Variants in XAB2 observed in about 807,000 individuals in gnomAD.
XAB2 encodes the protein XPA binding protein 2.
XAB2 carries 57 observed loss-of-function variants against 113.4 expected under a neutral mutation model. That is an observed-to-expected ratio of 0.50 (90% CI 0.41 to 0.63). The LOEUF (loss-of-function observed/expected upper bound fraction) is 0.63, where lower values mean the gene tolerates loss of function less well. Ranked by LOEUF, XAB2 falls within the 20% of genes least tolerant of loss-of-function variation. The probability of loss-of-function intolerance (pLI) is 0.00; values close to 1 mark genes in which losing one functional copy is unlikely to be tolerated. For synonymous variants in XAB2, 497 were observed against 498.8 expected (o/e 1.00, Z 0.05); for missense variants, 1,037 against 1,233.3 (o/e 0.84, Z 2.38).
rs2048013286 is a variant in XAB2 at position 7,624,602 on chromosome 19, G to C, written c.823-157C>G. Among the ~76,000 whole-genome samples, 1 of 152,040 alleles carries C rather than the reference G, an allele frequency of 6.6e-6. No individual in the cohort carries two copies. The highest frequency in any genetic ancestry group is 1.5e-5 in the Non-Finnish European group (1 of 67,980). Reference sequence around the variant, plus strand: ...AGTGACCCCAGGACAGAGCCTCCGTGGAGCCTTCTCACCCCCGCCCTGCCC... The same window carrying C: ...AGTGACCCCAGGACAGAGCCTCCGTCGAGCCTTCTCACCCCCGCCCTGCCC... On this transcript the variant is annotated intron_variant, in intron 6 of 18. Coordinates refer to ENST00000358368, the MANE Select transcript of XAB2 (RefSeq NM_020196.3). The surrounding 1 kb of genome is among the most constrained non-coding windows in gnomAD (Gnocchi z 4.2).
rs369196263 is a variant in XAB2, at chr19:7,627,254, G to A, written c.511C>T (p.Arg171Cys). 24 of 1,612,704 alleles carry A rather than the reference G, an allele frequency of 1.5e-5. No individual in the cohort carries two copies. The highest frequency in any genetic ancestry group is 2.2e-5 in the South Asian group (2 of 91,086). ...LPETAVRGYRRFLKLSPESAE... is the reference protein window; with the variant it reads ...LPETAVRGYRCFLKLSPESAE... ...CCTGCTAGGCTCACCTTGAGGAAGCGCCGATAGCCTCGCACAGCTGTCTCA... is the reference window on the plus strand; with the variant it reads ...CCTGCTAGGCTCACCTTGAGGAAGCACCGATAGCCTCGCACAGCTGTCTCA... Residue 171 changes from arginine (R) to cysteine (C), a missense_variant, in exon 4 of 19, where the codon CGC becomes TGC. Arg to Cys is a radical substitution (Grantham distance 180, BLOSUM62 -3). Transcript: ENST00000358368. The surrounding 1 kb of genome is among the most constrained non-coding windows in gnomAD (Gnocchi z 4.5).
At chr19:7,621,095 G>GGGCCCCCCCCCCCCCCC in intron 13 of XAB2, 40 bp downstream of exon 13, 7 of 1,486,120 alleles carry the variant, frequency 4.7e-6, no homozygotes, top group South Asian at 1.2e-5. Context: ...CAGAAACCCA[G>GGGCCCCCCCCCCCCCCC]CCCGCCCGCC....
chr19:7,621,525 T>C (rs2031034156), intron 12 of XAB2: 15 of 550,230 alleles, frequency 2.7e-5, no homozygotes, highest in East Asian at 2.7e-4. Flanking sequence ...CTAAGCACAG[T>C]CTGGCCCCAT....
Position 7,623,013 on chromosome 19 carries a change from CAGGCACACACAT to C in XAB2, c.1240-132_1240-121del. 2 of 1,538,820 alleles carry C rather than the reference CAGGCACACACAT, an allele frequency of 1.3e-6. No individual in the cohort carries two copies. Among genetic ancestry groups the C allele is most frequent in the Non-Finnish European group, 1.8e-6 (2 of 1,142,152 alleles). ...AGGCACAAACACACAGGCACACACA[CAGGCACACACAT>C]GCGTGCACATATGCATGCACCCAAA... On this transcript the variant is annotated intron_variant, in intron 9 of 18. Coordinates refer to ENST00000358368, the MANE Select transcript of XAB2 (RefSeq NM_020196.3). This position sits in a 1 kb window ranked among gnomAD's most constrained non-coding sequence, Gnocchi z 4.6.
rs1000550851 is a variant in XAB2 at position 7,627,312 on chromosome 19, C to A, written c.453G>T (p.Leu151=). Residue 151 remains leucine, a synonymous_variant, in exon 4 of 19, where the codon CTG becomes CTT. Coordinates refer to ENST00000358368, the MANE Select transcript of XAB2 (RefSeq NM_020196.3). The surrounding 1 kb of genome is among the most constrained non-coding windows in gnomAD (Gnocchi z 4.5). The part of the protein sequence containing the change: ...PITQHSRIWP[L]YLRFLRSHPL... Reference sequence around the variant, plus strand: ...GGTGTGAGCGCAGGAAGCGCAGATACAGGGGCCAAATTCGAGAGTGCTGCG... The same window carrying A: ...GGTGTGAGCGCAGGAAGCGCAGATAAAGGGGCCAAATTCGAGAGTGCTGCG... 2.5e-6 allele frequency: 4 copies of A among 1,613,698 alleles called. No homozygotes were observed. The highest frequency in any genetic ancestry group is 3.4e-6 in the Non-Finnish European group (4 of 1,180,034).
chr19:7,621,625 C>G (rs2031036453), intron 12 of XAB2: 2 of 380,114 alleles, frequency 5.3e-6, no homozygotes, highest in Non-Finnish European at 9.7e-6. Flanking sequence ...CACCCCCTGA[C>G]AGAGGGGCAG....
In XAB2 at chr19:7,623,718, A is replaced by T. The variant is rs1159964652; in HGVS notation, c.1119+13T>A. Reference sequence around the variant, plus strand: ...TGGCCCTCAGGGGTAGGACTGGGGCAGGCTTCATGTACCTCCCGGGGGCGG... The same window carrying T: ...TGGCCCTCAGGGGTAGGACTGGGGCTGGCTTCATGTACCTCCCGGGGGCGG... On this transcript the variant is annotated intron_variant, in intron 8 of 18. Transcript: ENST00000358368. The surrounding 1 kb of genome is among the most constrained non-coding windows in gnomAD (Gnocchi z 4.6). The T allele has an allele frequency of 1.3e-6, 2 of 1,583,998 alleles. No individual in the cohort carries two copies. The highest frequency in any genetic ancestry group is 2.7e-5 in the African/African-American group (2 of 74,334).
chr19:7,626,095 G>A, intron 5 of XAB2, 41 bp downstream of exon 5: 1 of 1,612,266 alleles, frequency 6.2e-7, no homozygotes, highest in Non-Finnish European at 8.5e-7. Context: ...TCATGGAGGG[G>A]GTGGCCCTCC....
Position 7,627,914 on chromosome 19 carries a change from G to T in XAB2, c.201-63C>A. ...TTTATGGACACCCCCAGAACCATTT[G>T]CCCTGCCCCAGTTGGCAAATGTGGG... On this transcript the variant is annotated intron_variant, in intron 2 of 18. Coordinates refer to ENST00000358368, the MANE Select transcript of XAB2 (RefSeq NM_020196.3). The surrounding 1 kb of genome is among the most constrained non-coding windows in gnomAD (Gnocchi z 4.5). 1.3e-6 allele frequency: 2 copies of T among 1,576,844 alleles called. No individual in the cohort carries two copies. The highest frequency in any genetic ancestry group is 2.3e-5 in the East Asian group (1 of 44,276).
At position 7,623,768 on chromosome 19, in the gene XAB2, T is replaced by C; in HGVS notation, c.1082A>G (p.His361Arg). Residue 361 changes from histidine (H) to arginine (R), a missense_variant, in exon 8 of 19, where the codon CAC becomes CGC. Coordinates refer to ENST00000358368, the MANE Select transcript of XAB2 (RefSeq NM_020196.3). The surrounding 1 kb of genome is among the most constrained non-coding windows in gnomAD (Gnocchi z 4.6). ...RQNPHHVHEWHKRVALHQGRP... is the reference protein window; with the variant it reads ...RQNPHHVHEWRKRVALHQGRP... ...GCCCTGGTGCAGGGCGACACGCTTG[T>C]GCCACTCGTGCACGTGGTGTGGGTT... The C allele has an allele frequency of 1.2e-6, 2 of 1,611,598 alleles. No homozygotes were observed. Among genetic ancestry groups the C allele is most frequent in the African/African-American group, 1.3e-5 (1 of 74,994 alleles).
In XAB2 at chr19:7,624,866, T is replaced by C. The variant is rs1203267654; in HGVS notation, c.823-421A>G. Among the ~76,000 whole-genome samples, 1 of 152,144 alleles carries C rather than the reference T, an allele frequency of 6.6e-6. No homozygotes were observed. Among genetic ancestry groups the C allele is most frequent in the African/African-American group, 2.4e-5 (1 of 41,438 alleles). ...CGTCCCTCTCGCTTGCCTGACCCTC[T>C]TCCCCAGCCCGCCTGTCCTCCACCT... On this transcript the variant is annotated intron_variant, in intron 6 of 18. Coordinates refer to ENST00000358368, the MANE Select transcript of XAB2 (RefSeq NM_020196.3). This position sits in a 1 kb window ranked among gnomAD's most constrained non-coding sequence, Gnocchi z 4.2.
rs981621588 is a variant in XAB2 at position 7,625,986 on chromosome 19, T to C, written c.716A>G (p.Asn239Ser). ...SQNPDKVQSLNVDAIIRGGLT... is the reference protein window; with the variant it reads ...SQNPDKVQSLSVDAIIRGGLT... ...GCCCCCGCGGATGATGGCGTCCACATTGAGGGACTGTACCTTGTCCGGATT... is the reference window on the plus strand; with the variant it reads ...GCCCCCGCGGATGATGGCGTCCACACTGAGGGACTGTACCTTGTCCGGATT... Residue 239 changes from asparagine to serine, a missense_variant, in exon 6 of 19, where the codon AAT becomes AGT. Coordinates refer to ENST00000358368, the MANE Select transcript of XAB2 (RefSeq NM_020196.3). The surrounding 1 kb of genome is among the most constrained non-coding windows in gnomAD (Gnocchi z 5.2). 36 of 1,613,614 alleles carry C rather than the reference T, an allele frequency of 2.2e-5. No homozygotes were observed. In the Admixed American group the frequency reaches 4.5e-4, roughly 20 times the overall value.
chr19:7,623,012 A>G lies in XAB2; in HGVS notation c.1240-119T>C. 2 of 1,541,856 alleles carry G rather than the reference A, an allele frequency of 1.3e-6. No homozygotes were observed. On this transcript the variant is annotated intron_variant, in intron 9 of 18. Transcript: ENST00000358368. This position sits in a 1 kb window ranked among gnomAD's most constrained non-coding sequence, Gnocchi z 4.6. ...CAGGCACAAACACACAGGCACACAC[A>G]CAGGCACACACATGCGTGCACATAT...
At chr19:7,626,313 G>A (rs779671810) in intron 4 of XAB2, 43 bp from the exon 5 acceptor site, 2 of 1,589,326 alleles carry the variant, frequency 1.3e-6, no homozygotes, top group East Asian at 2.2e-5. Context: ...GGGGTGGCAG[G>A]GCTACGCCCA....
rs1240201702 is a variant in XAB2, at chr19:7,622,985, T to TACAGGCACAAACAC, written c.1240-106_1240-93dup. 9.6e-6 allele frequency: 15 copies of TACAGGCACAAACAC among 1,561,078 alleles called. No individual in the cohort carries two copies. The African/African-American group carries it at 1.5e-4, about 16-fold the overall frequency. Reference sequence around the variant, plus strand: ...AGAAAGGTGACCATGCTCACAAACATACAGGCACAAACACACAGGCACACA... The same window carrying TACAGGCACAAACAC: ...AGAAAGGTGACCATGCTCACAAACATACAGGCACAAACACACAGGCACAAACACACAGGCACACA... On this transcript the variant is annotated intron_variant, in intron 9 of 18. Transcript: ENST00000358368.
Position 7,625,845 on chromosome 19 carries a change from G to A in XAB2, c.822+35C>T, listed in dbSNP as rs745577988. 1.4e-5 allele frequency: 22 copies of A among 1,568,452 alleles called. No individual in the cohort carries two copies. In the East Asian group the frequency reaches 2.9e-4, roughly 21 times the overall value. The stretch of plus-strand genomic sequence containing the variant: ...TCCCCGAGTGTCGGAGGGAGACCCC[G>A]CCCCGAACCCAGAGCCCCGTGTGCC... On this transcript the variant is annotated intron_variant, in intron 6 of 18. Transcript: ENST00000358368. The surrounding 1 kb of genome is among the most constrained non-coding windows in gnomAD (Gnocchi z 5.2).
intron 16 of XAB2, 53 bp downstream of exon 16, chr19:7,620,213 GCCCAGGTCA>G: frequency 6.2e-7 from 1 of 1,606,088 alleles, no homozygotes. Context: ...GACCCGGAAA[GCCCAGGTCA>G]GGCCGGGCTG....
Position 7,622,520 on chromosome 19 carries a change from G to T in XAB2, c.1503+10C>A, listed in dbSNP as rs780810423. ...GGGGCCCCGTCCCTCCCCAGCCACA[G>T]GCAGCTCACCTGGAAGGTGCCGAGG... On this transcript the variant is annotated intron_variant, in intron 11 of 18. Coordinates refer to ENST00000358368, the MANE Select transcript of XAB2 (RefSeq NM_020196.3). 1 of 1,613,922 alleles carries T rather than the reference G, an allele frequency of 6.2e-7. No individual in the cohort carries two copies. Among genetic ancestry groups the T allele is most frequent in the South Asian group, 1.1e-5 (1 of 91,078 alleles).
rs202100262 is a variant in XAB2 at position 7,620,630 on chromosome 19, A to G, written c.2011T>C (p.Phe671Leu). 1 of 1,613,066 alleles carries G rather than the reference A, an allele frequency of 6.2e-7. No individual in the cohort carries two copies. The highest frequency in any genetic ancestry group is 1.3e-5 in the African/African-American group (1 of 75,020). ...DEHAREMCLR[F>L]ADMECKLGEI... Reference sequence around the variant, plus strand: ...CCGAGCTTGCACTCCATGTCTGCAAACCGCAGGCACATCTCACGCGCGTGC... The same window carrying G: ...CCGAGCTTGCACTCCATGTCTGCAAGCCGCAGGCACATCTCACGCGCGTGC... The change falls in exon 15 of 19, where the codon TTT becomes CTT. Residue 671 changes from phenylalanine to leucine, a missense_variant. Phe to Leu is a conservative substitution (Grantham distance 22, BLOSUM62 0). Transcript: ENST00000358368.
Sources: allele counts gnomAD v4.1 joint callset (sites outside exome capture counted in the v4.1 genomes callset), GRCh38; gene constraint gnomAD v4.1.1; non-coding constraint Gnocchi (gnomAD v3.1); transcripts MANE v1.5; gene names NCBI Gene and HGNC (gene_info 2026-07-23, HGNC 2026-07-21).